The following GATAD1 variants were observed in gnomAD, a reference collection of about 807,000 sequenced individuals.
The protein encoded by GATAD1 is GATA zinc finger domain containing 1.
GATAD1 carries 12 observed loss-of-function variants against 26.5 expected under a neutral mutation model. That is an observed-to-expected ratio of 0.45 (90% confidence interval 0.29 to 0.73). GATAD1 has a LOEUF of 0.73. Among genes scored for constraint, GATAD1 ranks in the 30% least tolerant of loss-of-function variants. The pLI is 0.10. For synonymous variants in GATAD1, 129 were observed against 133.1 expected (o/e 0.97, Z 0.21); for missense variants, 266 against 342.1 (o/e 0.78, Z 1.75).
At chr7:92,479,067 A>G in the GATAD1 span, among the ~76,000 whole-genome samples, 1 of 152,162 alleles carries the variant, frequency 6.6e-6, no homozygotes, top group Admixed American at 6.5e-5. Flanking sequence ...TTTCCACTGC[A>G]CATGGGGTTT....
chr7:92,484,415 G>C, the GATAD1 span, among the ~76,000 whole-genome samples: 1 of 152,140 alleles, frequency 6.6e-6, no homozygotes, highest in South Asian at 2.1e-4. Context: ...GAATGTGGGT[G>C]AGTGACCAAG....
At chr7:92,448,033 G>GGGGACGGGCTGGCT (rs1789236865) in intron 1 of GATAD1, 55 bp downstream of exon 1, 2 of 1,180,812 alleles carry the variant, frequency 1.7e-6, no homozygotes, top group African/African-American at 3.2e-5. Flanking sequence ...CTAGGCGGGC[G>GGGGACGGGCTGGCT]GGGACGGGCT....
At chr7:92,477,091 T>C in the GATAD1 span, among the ~76,000 whole-genome samples, 4 of 152,146 alleles carry the variant, frequency 2.6e-5, no homozygotes, top group East Asian at 7.7e-4. Flanking sequence ...TACACCATGA[T>C]CTCAACCGGC....
chr7:92,484,489 C>T, the GATAD1 span, among the ~76,000 whole-genome samples: 28 of 152,084 alleles, frequency 1.8e-4, no homozygotes, highest in East Asian at 3.9e-4. Flanking sequence ...CAGGCGTCCC[C>T]GCAGTGATTA....
At chr7:92,485,182 GC>G in the GATAD1 span, among the ~76,000 whole-genome samples, 1 of 152,186 alleles carries the variant, frequency 6.6e-6, no homozygotes, top group African/African-American at 2.4e-5. Context: ...CATTTTCACT[GC>G]TTTTGTGATT....
the GATAD1 span, chr7:92,470,413 GGTT>G: frequency 7.5e-6 from 5 of 662,294 alleles, no homozygotes; most frequent in African/African-American, 3.6e-5. Context: ...CTTTCCTCCT[GGTT>G]GTTGTTTGAA....
intron 2 of GATAD1, chr7:92,449,517 A>G: frequency 1.0e-6 from 1 of 975,624 alleles, no homozygotes; most frequent in African/African-American, 1.8e-5. Context: ...TGGACAGTGC[A>G]TTATGGACTA....
chr7:92,494,113 C>G, the GATAD1 span: 1 of 602,044 alleles, frequency 1.7e-6, no homozygotes, highest in Non-Finnish European at 3.0e-6. Flanking sequence ...TGCACTGGGC[C>G]AAAAAAAGGC....
At chr7:92,494,479 A>G in the GATAD1 span, 223 of 1,613,250 alleles carry the variant, frequency 1.4e-4, no homozygotes, top group African/African-American at 2.7e-3. Flanking sequence ...TGTATTTATA[A>G]TTATTACCCT....
At chr7:92,493,662 C>T in the GATAD1 span, 5,710 of 153,740 alleles carry the variant, frequency 0.037, 352 homozygotes, top group East Asian at 0.28. Flanking sequence ...CAAAAACCTA[C>T]AAAATATTCA....
In GATAD1 at chr7:92,456,875, G is replaced by A. The variant is rs1179223041; in HGVS notation, c.*313G>A. Reference sequence around the variant, plus strand: ...GATAGGGCCAGGCACAGTGGCTTATGCCTGTAATTGCAGCACTTTTAGAGG... The same window carrying A: ...GATAGGGCCAGGCACAGTGGCTTATACCTGTAATTGCAGCACTTTTAGAGG... On this transcript the variant is annotated 3_prime_UTR_variant, in exon 5 of 5. Transcript: ENST00000287957. The A allele has an allele frequency of 4.6e-6, 1 of 217,908 alleles. No individual in the cohort carries two copies. Among genetic ancestry groups the A allele is most frequent in the African/African-American group, 2.3e-5 (1 of 44,000 alleles). 13.5% of individuals were successfully genotyped at this position (217,908 alleles called of 1,614,324 possible).
At chr7:92,479,488 C>A in the GATAD1 span, among the ~76,000 whole-genome samples, 2 of 152,142 alleles carry the variant, frequency 1.3e-5, no homozygotes, top group Non-Finnish European at 2.9e-5. Context: ...AGGAACAGGC[C>A]ATTTTCACTT....
chr7:92,453,970 G>A (rs1440338370), intron 3 of GATAD1: 1 of 162,386 alleles, frequency 6.2e-6, no homozygotes, highest in East Asian at 1.9e-4. Context: ...TTATACATTT[G>A]CCCAACCCCA....
At chr7:92,483,630 A>G in the GATAD1 span, among the ~76,000 whole-genome samples, 1 of 152,252 alleles carries the variant, frequency 6.6e-6, no homozygotes, top group African/African-American at 2.4e-5. Context: ...TATTTGATGA[A>G]AAAGAGCGTA....
chr7:92,473,470 C>G, the GATAD1 span, among the ~76,000 whole-genome samples: 1 of 151,926 alleles, frequency 6.6e-6, no homozygotes, highest in Non-Finnish European at 1.5e-5. Context: ...GCATTCTTTG[C>G]TCGTCCATAT....
intron 1 of GATAD1, among the ~76,000 whole-genome samples, chr7:92,448,383 C>T (rs998175582): frequency 2.0e-5 from 3 of 152,140 alleles, no homozygotes; most frequent in Non-Finnish European, 4.4e-5. Context: ...TAACCTACTA[C>T]GTTCTCTGGC....
At chr7:92,484,962 G>T in the GATAD1 span, among the ~76,000 whole-genome samples, 2 of 152,120 alleles carry the variant, frequency 1.3e-5, 1 homozygote, top group African/African-American at 4.8e-5. Context: ...AGGGAGATAG[G>T]GGTGGGGCCA....
At chr7:92,473,261 C>T in the GATAD1 span, 3 of 152,144 alleles carry the variant, frequency 2.0e-5, no homozygotes, top group Admixed American at 6.5e-5. Flanking sequence ...TGAGATCTTG[C>T]ACTAACCTCC....
At chr7:92,486,745 C>T in the GATAD1 span, among the ~76,000 whole-genome samples, 3 of 151,440 alleles carry the variant, frequency 2.0e-5, no homozygotes, top group Non-Finnish European at 4.4e-5. Context: ...CTCCTTTTTG[C>T]TGTTCCCTTA....
Sources: allele counts gnomAD v4.1 joint callset (sites outside exome capture counted in the v4.1 genomes callset), GRCh38; gene constraint gnomAD v4.1.1; transcripts MANE v1.5; gene names NCBI Gene and HGNC (gene_info 2026-07-23, HGNC 2026-07-21).